Variants in SNX22 observed in about 807,000 individuals in gnomAD.
The protein encoded by SNX22 is sorting nexin-22.
A neutral mutation model predicts 24.7 loss-of-function variants in SNX22; 23 were observed. The observed-to-expected ratio is 0.93, with a 90% CI of 0.67 to 1.32. The LOEUF (loss-of-function observed/expected upper bound fraction) is 1.32, where lower values mean the gene tolerates loss of function less well. Among genes scored for constraint, SNX22 ranks in the 40% most tolerant of loss-of-function variants. SNX22 has a pLI of 0.00. For missense variants in SNX22, 261 were observed against 249.9 expected (o/e 1.04, Z -0.30); for synonymous variants, 99 against 104.0 (o/e 0.95, Z 0.29).
chr15:64,155,950 G>C lies in SNX22; in HGVS notation c.*1442G>C. 6.2e-7 allele frequency: 1 copy of C among 1,610,564 alleles called. No homozygotes were observed. The highest frequency in any genetic ancestry group is 8.5e-7 in the Non-Finnish European group (1 of 1,178,530). On this transcript the variant is annotated 3_prime_UTR_variant, in exon 7 of 7. Transcript: ENST00000325881. ...CCACCAGATGCCAGCACCGGGGCCA[G>C]TGCAGCTCAGAGCCCTGTGGCGGAC...
At chr15:64,154,317 G>GCC (rs1245882540) in intron 6 of SNX22, 70 bp from the exon 7 acceptor site, 2 of 1,601,616 alleles carry the variant, frequency 1.2e-6, no homozygotes, top group African/African-American at 2.7e-5. Context: ...CCAAGTGGGG[G>GCC]CTGAGCCCAT....
chr15:64,151,763 G>A lies in SNX22; in HGVS notation c.-13G>A, dbSNP rs1314319755. ...CGAGCCGAGCGCGCGGAGCAGCTGG[G>A]GCCGGGGCGCGGATGCTGGAAGTTC... On this transcript the variant is annotated 5_prime_UTR_variant, in exon 1 of 7. Coordinates refer to ENST00000325881, the MANE Select transcript of SNX22 (RefSeq NM_024798.3). 6.5e-7 allele frequency: 1 copy of A among 1,532,254 alleles called. No individual in the cohort carries two copies. The highest frequency in any genetic ancestry group is 8.8e-7 in the Non-Finnish European group (1 of 1,142,184). The allele number at this position is 1,532,254 out of a possible 1,614,324, so 94.9% of individuals were successfully genotyped here. A position where few individuals can be genotyped will look rare whatever the true frequency, so the allele number is the denominator to read the frequency against.
At position 64,156,978 on chromosome 15, in the gene SNX22, G is replaced by A. The variant is rs986525053; in HGVS notation, c.*2470G>A. Reference sequence around the variant, plus strand: ...AAACCAAGCAGACATTCGGGGCCAGGACTGAGGGGGCTTAACCTGTCCTCT... The same window carrying A: ...AAACCAAGCAGACATTCGGGGCCAGAACTGAGGGGGCTTAACCTGTCCTCT... On this transcript the variant is annotated 3_prime_UTR_variant, in exon 7 of 7. Coordinates refer to ENST00000325881, the MANE Select transcript of SNX22 (RefSeq NM_024798.3). This position sits in a 1 kb window ranked among gnomAD's most constrained non-coding sequence, Gnocchi z 6.4. 10 of 1,513,178 alleles carry A rather than the reference G, an allele frequency of 6.6e-6. No individual in the cohort carries two copies. Among genetic ancestry groups the A allele is most frequent in the Non-Finnish European group, 8.2e-6 (9 of 1,097,164 alleles). 93.7% of individuals were successfully genotyped at this position (1,513,178 alleles called of 1,614,324 possible).
intron 3 of SNX22, 157 bp downstream of exon 3, chr15:64,152,899 C>T: frequency 3.1e-6 from 2 of 653,176 alleles, no homozygotes; most frequent in Non-Finnish European, 5.2e-6. Context: ...TAGGTCCAAA[C>T]ACCCCCCTCT....
chr15:64,156,997 G>T lies in SNX22; in HGVS notation c.*2489G>T. 7.3e-7 allele frequency: 1 copy of T among 1,374,862 alleles called. No individual in the cohort carries two copies. Among genetic ancestry groups the T allele is most frequent in the Non-Finnish European group, 1.0e-6 (1 of 983,778 alleles). The allele number at this position is 1,374,862 out of a possible 1,614,324, so 85.2% of individuals were successfully genotyped here. A position where few individuals can be genotyped will look rare whatever the true frequency, so the allele number is the denominator to read the frequency against. On this transcript the variant is annotated 3_prime_UTR_variant, in exon 7 of 7. Transcript: ENST00000325881. The surrounding 1 kb of genome is among the most constrained non-coding windows in gnomAD (Gnocchi z 6.4). ...GGCCAGGACTGAGGGGGCTTAACCT[G>T]TCCTCTGTGCCAGGCTAGGCTGGAG...
chr15:64,151,872 G>A (rs761875410), intron 1 of SNX22, 22 bp downstream of exon 1: 5 of 1,523,936 alleles, frequency 3.3e-6, no homozygotes, highest in Middle Eastern at 1.8e-4. Flanking sequence ...CCCTGGATGG[G>A]GAGGGGCGCC....
In SNX22 at chr15:64,151,869, TG is replaced by T; in HGVS notation, c.75+23del. 1 of 1,524,342 alleles carries T rather than the reference TG, an allele frequency of 6.6e-7. No individual in the cohort carries two copies. The highest frequency in any genetic ancestry group is 8.8e-7 in the Non-Finnish European group (1 of 1,138,206). The allele number at this position is 1,524,342 out of a possible 1,614,324, so 94.4% of individuals were successfully genotyped here. On this transcript the variant is annotated intron_variant, in intron 1 of 6. Transcript: ENST00000325881. ...CCACATGGTGAGCGCGGCCCCTGGA[TG>T]GGGAGGGGCGCCGGGACCCGCAGGA...
intron 6 of SNX22, 83 bp downstream of exon 6, chr15:64,154,085 C>A: frequency 6.2e-7 from 1 of 1,612,988 alleles, no homozygotes; most frequent in South Asian, 1.1e-5. Context: ...CAGACAGCAT[C>A]TCCTTCCTGC....
chr15:64,153,374 C>T (rs2081501440), intron 4 of SNX22, 35 bp downstream of exon 4: 1 of 1,612,180 alleles, frequency 6.2e-7, no homozygotes, highest in Non-Finnish European at 8.5e-7. Context: ...CAGGGGCTGT[C>T]AGCAGTGAGC....
At position 64,156,617 on chromosome 15, in the gene SNX22, G is replaced by T; in HGVS notation, c.*2109G>T. The T allele has an allele frequency of 7.5e-7, 1 of 1,338,438 alleles. No individual in the cohort carries two copies. The highest frequency in any genetic ancestry group is 1.1e-6 in the Non-Finnish European group (1 of 929,708). The allele number at this position is 1,338,438 out of a possible 1,614,324, so 82.9% of individuals were successfully genotyped here. Reference sequence around the variant, plus strand: ...CAGGAGCACTGGGCTGCATCTGTGGGTTGGGTCCTTTTGGGAAAGGGATGG... The same window carrying T: ...CAGGAGCACTGGGCTGCATCTGTGGTTTGGGTCCTTTTGGGAAAGGGATGG... On this transcript the variant is annotated 3_prime_UTR_variant, in exon 7 of 7. Transcript: ENST00000325881. This position sits in a 1 kb window ranked among gnomAD's most constrained non-coding sequence, Gnocchi z 6.4.
intron 3 of SNX22, 41 bp downstream of exon 3, chr15:64,152,783 C>T: frequency 1.3e-6 from 2 of 1,578,688 alleles, no homozygotes; most frequent in South Asian, 1.1e-5. Flanking sequence ...GCCTTCTGTG[C>T]CAGGGGTGTG....
intron 2 of SNX22, 71 bp downstream of exon 2, chr15:64,152,397 C>A: frequency 2.8e-6 from 4 of 1,429,072 alleles, no homozygotes; most frequent in Middle Eastern, 2.0e-4. Context: ...CCCTGTGAGG[C>A]GGGCGGGCGA....
rs1469396841 is a variant in SNX22, at chr15:64,156,576, C to T, written c.*2068C>T. ...TTAGAACCTTGGAGGCATGGAGGTA[C>T]AGGGTTTATTCTGGACAGGAGCACT... On this transcript the variant is annotated 3_prime_UTR_variant, in exon 7 of 7. Transcript: ENST00000325881. This position sits in a 1 kb window ranked among gnomAD's most constrained non-coding sequence, Gnocchi z 6.4. The T allele has an allele frequency of 1.0e-5, 10 of 992,488 alleles. No homozygotes were observed. The East Asian group carries it at 2.1e-4, about 21-fold the overall frequency. 61.5% of individuals were successfully genotyped at this position (992,488 alleles called of 1,614,324 possible).
chr15:64,156,383 G>C lies in SNX22; in HGVS notation c.*1875G>C, dbSNP rs2081531645. 3.1e-6 allele frequency: 2 copies of C among 647,330 alleles called. No homozygotes were observed. The highest frequency in any genetic ancestry group is 5.5e-6 in the Non-Finnish European group (2 of 366,544). The allele number at this position is 647,330 out of a possible 1,614,324, so 40.1% of individuals were successfully genotyped here. Reference sequence around the variant, plus strand: ...AAGACCCAGGTTGGGCCAAGGGTGAGGAGGAGGAAGAGGGTGACCAGGGCA... The same window carrying C: ...AAGACCCAGGTTGGGCCAAGGGTGACGAGGAGGAAGAGGGTGACCAGGGCA... On this transcript the variant is annotated 3_prime_UTR_variant, in exon 7 of 7. Coordinates refer to ENST00000325881, the MANE Select transcript of SNX22 (RefSeq NM_024798.3). The surrounding 1 kb of genome is among the most constrained non-coding windows in gnomAD (Gnocchi z 6.4).
Position 64,153,999 on chromosome 15 carries a change from C to G in SNX22, c.457C>G (p.Pro153Ala). ...GGATCCCTATGTTTGCAACCCCTCCCCAGGTGAGGAGGTGCCTAGATATGG... is the reference window on the plus strand; with the variant it reads ...GGATCCCTATGTTTGCAACCCCTCCGCAGGTGAGGAGGTGCCTAGATATGG... ...HVDPYVCNPSPESLPNVVVNG... is the reference protein window; with the variant it reads ...HVDPYVCNPSAESLPNVVVNG... The change falls in exon 6 of 7, where the codon CCA becomes GCA. Residue 153 changes from proline to alanine, a missense_variant. Coordinates refer to ENST00000325881, the MANE Select transcript of SNX22 (RefSeq NM_024798.3). The G allele has an allele frequency of 6.2e-7, 1 of 1,614,102 alleles. No homozygotes were observed. The highest frequency in any genetic ancestry group is 8.5e-7 in the Non-Finnish European group (1 of 1,180,012).
Position 64,155,252 on chromosome 15 carries a change from C to G in SNX22, c.*744C>G, listed in dbSNP as rs541911048. ...TGCTGGGATTACGGGCGTGAGCCAC[C>G]GTGCTCGGCCCAAGGCAGGAGAATC... is the stretch of plus-strand genomic sequence containing the variant. On this transcript the variant is annotated 3_prime_UTR_variant, in exon 7 of 7. Transcript: ENST00000325881. The G allele has an allele frequency of 1.3e-5, 2 of 152,098 alleles. No individual in the cohort carries two copies. The highest frequency in any genetic ancestry group is 4.8e-5 in the African/African-American group (2 of 41,346). 9.4% of individuals were successfully genotyped at this position (152,098 alleles called of 1,614,324 possible). A position where few individuals can be genotyped will look rare whatever the true frequency, so the allele number is the denominator to read the frequency against.
chr15:64,153,023 G>T, intron 3 of SNX22: 1 of 627,288 alleles, frequency 1.6e-6, no homozygotes, highest in Non-Finnish European at 2.8e-6. Flanking sequence ...ATGGCATGTA[G>T]GGTGAGGGTC....
At position 64,156,614 on chromosome 15, in the gene SNX22, T is replaced by C; in HGVS notation, c.*2106T>C. 3.1e-6 allele frequency: 4 copies of C among 1,301,636 alleles called. No individual in the cohort carries two copies. In the South Asian group the frequency reaches 4.8e-5, roughly 15 times the overall value. 80.6% of individuals were successfully genotyped at this position (1,301,636 alleles called of 1,614,324 possible). On this transcript the variant is annotated 3_prime_UTR_variant, in exon 7 of 7. Coordinates refer to ENST00000325881, the MANE Select transcript of SNX22 (RefSeq NM_024798.3). This position sits in a 1 kb window ranked among gnomAD's most constrained non-coding sequence, Gnocchi z 6.4. ...GGACAGGAGCACTGGGCTGCATCTGTGGGTTGGGTCCTTTTGGGAAAGGGA... is the reference window on the plus strand; with the variant it reads ...GGACAGGAGCACTGGGCTGCATCTGCGGGTTGGGTCCTTTTGGGAAAGGGA...
chr15:64,152,912 C>T, intron 3 of SNX22, 170 bp downstream of exon 3: 1 of 637,270 alleles, frequency 1.6e-6, no homozygotes, highest in Non-Finnish European at 2.7e-6. Flanking sequence ...CCCCCTCTGG[C>T]TTGTTGAAAG....
Sources: gnomAD v4.1 joint callset for allele counts on GRCh38, gnomAD v4.1.1 for gene constraint, Gnocchi (gnomAD v3.1) non-coding constraint, MANE v1.5 for transcripts, NCBI Gene and HGNC (gene_info 2026-07-23, HGNC 2026-07-21) for gene names.